GALNT14: variants seen among roughly 807,000 people sequenced by gnomAD.
GALNT14 encodes UDP-GalNAc:polypeptide N-acetylgalactosaminyltransferase 14.
GALNT14 carries 60 observed loss-of-function variants against 77.5 expected under a neutral mutation model. The ratio of observed to expected loss-of-function variants is 0.77; its 90% CI spans 0.63 to 0.96. The LOEUF (loss-of-function observed/expected upper bound fraction) is 0.96. Ranked by LOEUF, GALNT14 falls within the 40% of genes least tolerant of loss-of-function variation. GALNT14 has a pLI of 0.00. For synonymous variants in GALNT14, 280 were observed against 281.7 expected (o/e 0.99, Z 0.06); for missense variants, 710 against 731.0 (o/e 0.97, Z 0.33).
intron 4 of GALNT14, among the ~76,000 whole-genome samples, chr2:30,956,644 C>A (rs950142629): frequency 3.3e-5 from 5 of 152,096 alleles, no homozygotes; most frequent in Non-Finnish European, 7.4e-5. Flanking sequence ...ATAGCTGGGA[C>A]CACAGGCATG....
intron 2 of GALNT14, among the ~76,000 whole-genome samples, chr2:30,982,670 G>C (rs1275203233): frequency 6.6e-6 from 1 of 152,194 alleles, no homozygotes. Flanking sequence ...ACGGGCATAA[G>C]GGTGGCTTCT....
chr2:30,979,042 G>A (rs549278100), intron 2 of GALNT14, among the ~76,000 whole-genome samples: 27 of 152,338 alleles, frequency 1.8e-4, no homozygotes, highest in South Asian at 1.2e-3. Flanking sequence ...CAGCACAGTC[G>A]GCACAGGCCA....
At chr2:31,001,287 G>A (rs967745851) in intron 1 of GALNT14, among the ~76,000 whole-genome samples, 1 of 152,046 alleles carries the variant, frequency 6.6e-6, no homozygotes, top group Non-Finnish European at 1.5e-5. Flanking sequence ...TGCATTTCTG[G>A]TCTTTCTAGA....
intron 1 of GALNT14, among the ~76,000 whole-genome samples, chr2:31,071,877 C>A (rs1675393829): frequency 6.6e-6 from 1 of 152,176 alleles, no homozygotes; most frequent in Admixed American, 6.5e-5. Context: ...ACAGCAACAA[C>A]AGAGCATGAA....
At chr2:31,107,093 AG>A (rs1677597300) in intron 1 of GALNT14, among the ~76,000 whole-genome samples, 1 of 152,264 alleles carries the variant, frequency 6.6e-6, no homozygotes, top group South Asian at 2.1e-4. Context: ...ATGTTAAGGA[AG>A]GAAAGAAGGA....
intron 1 of GALNT14, among the ~76,000 whole-genome samples, chr2:31,100,238 C>T (rs767312904): frequency 2.6e-5 from 4 of 151,888 alleles, no homozygotes; most frequent in Non-Finnish European, 5.9e-5. Context: ...CCTTGAATAC[C>T]ATTTCCTTCA....
At chr2:31,011,406 C>T (rs547661444) in intron 1 of GALNT14, among the ~76,000 whole-genome samples, 44 of 152,304 alleles carry the variant, frequency 2.9e-4, no homozygotes, top group African/African-American at 9.4e-4. Context: ...TCGGGTAAAC[C>T]ATTTCTGCTC....
At chr2:30,924,680 C>T (rs1010437321) in intron 12 of GALNT14, 60 bp downstream of exon 12, 58 of 1,459,506 alleles carry the variant, frequency 4.0e-5, no homozygotes, top group Non-Finnish European at 5.3e-5. Flanking sequence ...TTCTCCAGAC[C>T]AAGCCAGCTG....
At chr2:31,083,286 G>A (rs369739161) in intron 1 of GALNT14, among the ~76,000 whole-genome samples, 114 of 152,268 alleles carry the variant, frequency 7.5e-4, no homozygotes, top group African/African-American at 2.6e-3. Flanking sequence ...GGATCAGAGG[G>A]GGGTGGAAGC....
the GALNT14 span, among the ~76,000 whole-genome samples, chr2:30,900,332 G>T: frequency 6.6e-6 from 1 of 152,094 alleles, no homozygotes; most frequent in African/African-American, 2.4e-5. Context: ...ATTAAACTCT[G>T]TCATTATGAA....
At chr2:31,132,591 T>C in intron 1 of GALNT14, 1 of 406,498 alleles carries the variant, frequency 2.5e-6, no homozygotes, top group South Asian at 1.8e-5. Context: ...TTTGCAAAAA[T>C]TACAACAATG....
In GALNT14 at chr2:30,945,029, C is replaced by T. The variant is rs748127990; in HGVS notation, c.743-87G>A. ...CTCTCCAGAAGGTCATGAATGTACC[C>T]AGGTCCTGGAGAGGTAGGTCTCAAA... is the stretch of plus-strand genomic sequence containing the variant. On this transcript the variant is annotated intron_variant, in intron 7 of 14. Coordinates refer to ENST00000349752, the MANE Select transcript of GALNT14 (RefSeq NM_024572.4). The T allele has an allele frequency of 9.1e-6, 11 of 1,213,354 alleles. No homozygotes were observed. In the East Asian group the frequency reaches 1.7e-4, roughly 19 times the overall value. 75.2% of individuals were successfully genotyped at this position (1,213,354 alleles called of 1,614,324 possible).
At chr2:31,085,010 G>A (rs1676351813) in intron 1 of GALNT14, among the ~76,000 whole-genome samples, 1 of 140,288 alleles carries the variant, frequency 7.1e-6, no homozygotes, top group Non-Finnish European at 1.5e-5. Flanking sequence ...CAGGGTGACA[G>A]AACGAGACTC....
chr2:31,044,453 G>A (rs1025976594), intron 1 of GALNT14, among the ~76,000 whole-genome samples: 3 of 152,140 alleles, frequency 2.0e-5, no homozygotes, highest in Non-Finnish European at 4.4e-5. Flanking sequence ...AGTGTCCTCT[G>A]TGCCTAGGAT....
intron 9 of GALNT14, among the ~76,000 whole-genome samples, chr2:30,940,180 C>T (rs1666296363): frequency 6.6e-6 from 1 of 152,170 alleles, no homozygotes; most frequent in Admixed American, 6.5e-5. Flanking sequence ...TCCCAGCACC[C>T]TCTCCAACTT....
At chr2:30,917,895 C>G (rs1664779476) in intron 13 of GALNT14, among the ~76,000 whole-genome samples, 1 of 152,222 alleles carries the variant, frequency 6.6e-6, no homozygotes, top group Non-Finnish European at 1.5e-5. Flanking sequence ...CCTTGAAGCT[C>G]TCCCTTCAAA....
intron 1 of GALNT14, among the ~76,000 whole-genome samples, chr2:31,109,230 G>A (rs541950492): frequency 6.6e-6 from 1 of 152,210 alleles, no homozygotes; most frequent in East Asian, 1.9e-4. Flanking sequence ...AAATGGCAGA[G>A]AAAATAAAAT....
At chr2:31,113,776 G>A (rs1250161476) in intron 1 of GALNT14, among the ~76,000 whole-genome samples, 7 of 152,142 alleles carry the variant, frequency 4.6e-5, no homozygotes, top group Non-Finnish European at 1.0e-4. Context: ...AAAAAGAGCA[G>A]ACAGTAAAAC....
At chr2:31,071,088 G>A (rs1268930459) in intron 1 of GALNT14, among the ~76,000 whole-genome samples, 3 of 152,146 alleles carry the variant, frequency 2.0e-5, no homozygotes, top group Non-Finnish European at 4.4e-5. Context: ...AATGGACTTT[G>A]GGGACTCGGG....
Sources: allele counts gnomAD v4.1 joint callset (sites outside exome capture counted in the v4.1 genomes callset), GRCh38; gene constraint gnomAD v4.1.1; transcripts MANE v1.5; gene names NCBI Gene and HGNC (gene_info 2026-07-23, HGNC 2026-07-21).